Variants in PEAK1 observed in about 807,000 individuals in gnomAD.
PEAK1 encodes the protein pseudopodium enriched atypical kinase 1.
PEAK1 carries 54 observed loss-of-function variants against 124.7 expected under a neutral mutation model. The ratio of observed to expected loss-of-function variants is 0.43; its 90% CI spans 0.35 to 0.54. PEAK1 has a LOEUF of 0.54. Ranked by LOEUF, PEAK1 falls within the 20% of genes least tolerant of loss-of-function variation. The pLI is 0.01. For missense variants in PEAK1, 2,046 were observed against 2,134.5 expected, an observed-to-expected ratio of 0.96 and a Z score of 0.82; for synonymous variants, 719 against 760.0, an observed-to-expected ratio of 0.95 and a Z score of 0.89.
chr15:77,175,089 AC>A (rs1273116448), intron 7 of PEAK1, among the ~76,000 whole-genome samples: 1 of 152,062 alleles, frequency 6.6e-6, no homozygotes, highest in East Asian at 1.9e-4. Context: ...TACACCTTAT[AC>A]AAAAATCAAT....
chr15:77,311,610 T>G (rs1597234949), intron 2 of PEAK1, among the ~76,000 whole-genome samples: 1 of 143,246 alleles, frequency 7.0e-6, no homozygotes. Context: ...GAAGCGGAGG[T>G]TGCAGCAAGC....
chr15:77,145,448 C>CAAAA (rs199518110), intron 8 of PEAK1, among the ~76,000 whole-genome samples: 1 of 137,680 alleles, frequency 7.3e-6, no homozygotes. Flanking sequence ...GATTCCATCT[C>CAAAA]AAAAAAAAAA....
chr15:77,372,378 A>G (rs2141698927), intron 1 of PEAK1, among the ~76,000 whole-genome samples: 1 of 152,338 alleles, frequency 6.6e-6, no homozygotes, highest in South Asian at 2.1e-4. Context: ...TTGAATTTGT[A>G]GCCCTCCATA....
intron 1 of PEAK1, among the ~76,000 whole-genome samples, chr15:77,372,272 C>A (rs2068697115): frequency 6.6e-6 from 1 of 152,166 alleles, no homozygotes; most frequent in African/African-American, 2.4e-5. Context: ...CACATACTTG[C>A]TCCTGACAAT....
intron 1 of PEAK1, among the ~76,000 whole-genome samples, chr15:77,408,154 T>TACACACACAC (rs55866391): frequency 1.9e-4 from 27 of 144,350 alleles, no homozygotes; most frequent in African/African-American, 5.0e-4. Flanking sequence ...CATATATACA[T>TACACACACAC]ACACACACAC....
intron 5 of PEAK1, 38 bp downstream of exon 5, chr15:77,283,845 A>T (rs899094221): frequency 3.2e-6 from 3 of 949,218 alleles, no homozygotes; most frequent in Non-Finnish European, 2.5e-6. Flanking sequence ...ACCAAAATTA[A>T]ATCAACTCAT....
chr15:77,249,189 G>C (rs1446522364), intron 6 of PEAK1, among the ~76,000 whole-genome samples: 2 of 151,802 alleles, frequency 1.3e-5, no homozygotes, highest in Admixed American at 1.3e-4. Flanking sequence ...TAAAAGGAAA[G>C]TTTTCCTAAA....
chr15:77,343,091 A>G (rs2066642739), intron 2 of PEAK1, among the ~76,000 whole-genome samples: 1 of 152,218 alleles, frequency 6.6e-6, no homozygotes, highest in African/African-American at 2.4e-5. Context: ...ACAATGCACA[A>G]AGGTTCCAAT....
At chr15:77,173,467 T>C (rs567540776) in intron 7 of PEAK1, among the ~76,000 whole-genome samples, 1 of 152,196 alleles carries the variant, frequency 6.6e-6, no homozygotes, top group Non-Finnish European at 1.5e-5. Flanking sequence ...GGTGAGAACA[T>C]TTAAAATCTA....
intron 1 of PEAK1, among the ~76,000 whole-genome samples, chr15:77,393,606 C>A (rs2070661128): frequency 6.6e-6 from 1 of 152,204 alleles, no homozygotes; most frequent in Non-Finnish European, 1.5e-5. Context: ...GACTCCTTGG[C>A]CCTGAATAAT....
chr15:77,341,227 G>C (rs905863444), intron 2 of PEAK1, among the ~76,000 whole-genome samples: 5 of 152,116 alleles, frequency 3.3e-5, no homozygotes, highest in Admixed American at 6.6e-5. Context: ...GCTTGGCTGG[G>C]TGTGGTGGCT....
chr15:77,419,566 C>A lies in PEAK1; in HGVS notation c.-666+440G>T, dbSNP rs1399035386. On this transcript the variant is annotated intron_variant, in intron 1 of 9. Transcript: ENST00000682557. ...CTCCCGGGTGCGGGAGCGGGCTGACCGTGTGGACCCGGCAGGAGCCAGAGA... is the reference window on the plus strand; with the variant it reads ...CTCCCGGGTGCGGGAGCGGGCTGACAGTGTGGACCCGGCAGGAGCCAGAGA... The A allele has an allele frequency of 5.1e-6, 5 of 985,058 alleles. No homozygotes were observed. In the East Asian group the frequency reaches 5.7e-4, roughly 112 times the overall value. 61.0% of individuals were successfully genotyped at this position (985,058 alleles called of 1,614,324 possible). A position where few individuals can be genotyped will look rare whatever the true frequency, so the allele number is the denominator to read the frequency against.
chr15:77,264,948 C>T (rs929103000), intron 5 of PEAK1, among the ~76,000 whole-genome samples: 4 of 152,310 alleles, frequency 2.6e-5, no homozygotes, highest in African/African-American at 7.2e-5. Flanking sequence ...AGAAATAACA[C>T]TGCATATCTG....
At chr15:77,402,753 A>G in intron 1 of PEAK1, 1 of 985,406 alleles carries the variant, frequency 1.0e-6, no homozygotes, top group Non-Finnish European at 1.2e-6. Flanking sequence ...AATAAAGCAG[A>G]CTTTCATACT....
intron 1 of PEAK1, among the ~76,000 whole-genome samples, chr15:77,386,081 T>C (rs2069908863): frequency 1.3e-5 from 2 of 152,182 alleles, no homozygotes; most frequent in Non-Finnish European, 2.9e-5. Flanking sequence ...ACTCCTGGAA[T>C]GTAAAAATAA....
chr15:77,384,165 AC>A (rs1281286921), intron 1 of PEAK1, among the ~76,000 whole-genome samples: 3 of 151,376 alleles, frequency 2.0e-5, no homozygotes, highest in African/African-American at 7.3e-5. Flanking sequence ...ACAAAACATA[AC>A]CTAGCTAGAT....
At chr15:77,164,706 T>C (rs1213240014) in intron 7 of PEAK1, among the ~76,000 whole-genome samples, 1 of 152,190 alleles carries the variant, frequency 6.6e-6, no homozygotes. Context: ...CAATAAAATA[T>C]GGTTGCCATT....
intron 8 of PEAK1, among the ~76,000 whole-genome samples, chr15:77,137,480 T>A (rs1231615343): frequency 2.6e-5 from 4 of 152,282 alleles, no homozygotes; most frequent in African/African-American, 4.8e-5. Context: ...TCTTGCATCA[T>A]CATGACCCGG....
downstream of PEAK1, chr15:77,105,635 T>C (rs766673608): frequency 2.6e-5 from 4 of 152,150 alleles, no homozygotes; most frequent in Non-Finnish European, 5.9e-5. Flanking sequence ...TAGAAGAGAG[T>C]GCGAACTCAC....
Sources: gnomAD v4.1 joint callset for allele counts (sites outside exome capture counted in the v4.1 genomes callset) on GRCh38, gnomAD v4.1.1 for gene constraint, MANE v1.5 for transcripts, NCBI Gene and HGNC (gene_info 2026-07-23, HGNC 2026-07-21) for gene names.